DPYD: variants seen among roughly 807,000 people sequenced by gnomAD.
The protein encoded by DPYD is dihydropyrimidine dehydrogenase.
Under a neutral mutation model 116.2 loss-of-function variants are expected in DPYD, and 109 were observed. The ratio of observed to expected loss-of-function variants is 0.94; its 90% CI spans 0.80 to 1.10. The LOEUF is 1.10. Ranked by LOEUF, DPYD falls within the 50% of genes least tolerant of loss-of-function variation. The pLI is 0.00. For synonymous variants in DPYD, 440 were observed against 432.0 expected, an observed-to-expected ratio of 1.02 and a Z score of -0.23; for missense variants, 1,302 against 1,254.5, an observed-to-expected ratio of 1.04 and a Z score of -0.57.
chr1:97,679,938 A>T (rs1660345757), intron 7 of DPYD, among the ~76,000 whole-genome samples: 1 of 152,112 alleles, frequency 6.6e-6, no homozygotes, highest in African/African-American at 2.4e-5. Context: ...CAAGCAACTA[A>T]GCCCTGGAAA....
intron 18 of DPYD, among the ~76,000 whole-genome samples, chr1:97,266,301 C>T (rs1664220830): frequency 6.6e-6 from 1 of 152,130 alleles, no homozygotes; most frequent in African/African-American, 2.4e-5. Context: ...AAAAATAGCA[C>T]ATTAGTGTTC....
intron 2 of DPYD, among the ~76,000 whole-genome samples, chr1:97,846,921 A>C (rs1177444929): frequency 6.6e-6 from 1 of 152,216 alleles, no homozygotes; most frequent in African/African-American, 2.4e-5. Context: ...AGAAGTACAG[A>C]TTTTCAAAAA....
intron 22 of DPYD, among the ~76,000 whole-genome samples, chr1:97,081,709 T>C (rs553817056): frequency 1.4e-5 from 2 of 142,404 alleles, no homozygotes; most frequent in East Asian, 2.0e-4. Context: ...TTTCTTTTCT[T>C]TTCTTTTCTT....
intron 3 of DPYD, among the ~76,000 whole-genome samples, chr1:97,762,199 G>A (rs1665611156): frequency 6.6e-6 from 1 of 152,070 alleles, no homozygotes; most frequent in Admixed American, 6.6e-5. Flanking sequence ...AAATGAAAAA[G>A]TAAAAGATGA....
At chr1:97,198,193 A>ATGC (rs977581418) in intron 19 of DPYD, among the ~76,000 whole-genome samples, 2 of 151,704 alleles carry the variant, frequency 1.3e-5, no homozygotes, top group Non-Finnish European at 2.9e-5. Flanking sequence ...TTTTCGGGGG[A>ATGC]TGCTGCTGCT....
intron 12 of DPYD, among the ~76,000 whole-genome samples, chr1:97,530,523 C>T (rs1287737436): frequency 6.6e-6 from 1 of 152,062 alleles, no homozygotes; most frequent in African/African-American, 2.4e-5. Context: ...GGCCATTATC[C>T]ATTTATCTAT....
intron 5 of DPYD, chr1:97,719,622 T>C: frequency 1.2e-6 from 1 of 836,728 alleles, no homozygotes; most frequent in South Asian, 5.5e-5. Context: ...ACTCGTTTTG[T>C]TGTTTTTTTA....
chr1:97,511,473 G>T (rs1414536609), intron 13 of DPYD, among the ~76,000 whole-genome samples: 1 of 151,898 alleles, frequency 6.6e-6, no homozygotes, highest in Non-Finnish European at 1.5e-5. Context: ...ATATTTGTTA[G>T]ATTTTTTTCT....
At chr1:97,126,776 A>G (rs965365463) in intron 20 of DPYD, among the ~76,000 whole-genome samples, 1 of 152,170 alleles carries the variant, frequency 6.6e-6, no homozygotes, top group Non-Finnish European at 1.5e-5. Flanking sequence ...ATGGTAGCTA[A>G]AACTTCATTT....
intron 11 of DPYD, among the ~76,000 whole-genome samples, chr1:97,554,493 T>C (rs776770070): frequency 3.3e-5 from 5 of 152,086 alleles, no homozygotes; most frequent in Non-Finnish European, 7.4e-5. Flanking sequence ...TTCATCTATG[T>C]CCTTGTTGTT....
intron 16 of DPYD, among the ~76,000 whole-genome samples, chr1:97,359,092 A>G (rs186372323): frequency 6.6e-6 from 1 of 152,268 alleles, no homozygotes; most frequent in East Asian, 1.9e-4. Context: ...GGCCACCTAG[A>G]ATAAACAGTG....
At chr1:97,694,861 C>G (rs1661209494) in intron 6 of DPYD, among the ~76,000 whole-genome samples, 1 of 152,128 alleles carries the variant, frequency 6.6e-6, no homozygotes. Flanking sequence ...AAAAAATTCT[C>G]TGGTGAGTCT....
At chr1:97,162,258 G>A (rs1655968854) in intron 20 of DPYD, among the ~76,000 whole-genome samples, 1 of 152,102 alleles carries the variant, frequency 6.6e-6, no homozygotes, top group African/African-American at 2.4e-5. Context: ...TTTAATGATT[G>A]CCATTCTAAC....
chr1:97,787,912 G>C (rs1667125148), intron 3 of DPYD, among the ~76,000 whole-genome samples: 1 of 152,182 alleles, frequency 6.6e-6, no homozygotes, highest in Non-Finnish European at 1.5e-5. Flanking sequence ...ACAAGATTTA[G>C]TAATAAAGCT....
intron 3 of DPYD, among the ~76,000 whole-genome samples, chr1:97,741,040 A>G (rs1456064183): frequency 6.6e-6 from 1 of 152,108 alleles, no homozygotes; most frequent in Non-Finnish European, 1.5e-5. Flanking sequence ...CTCAAAGCAT[A>G]GCCCAGATCC....
chr1:97,355,195 A>G (rs2101364079), intron 16 of DPYD, among the ~76,000 whole-genome samples: 1 of 152,286 alleles, frequency 6.6e-6, no homozygotes, highest in East Asian at 1.9e-4. Context: ...TTCTAAATCT[A>G]TCATCTCTAT....
intron 3 of DPYD, among the ~76,000 whole-genome samples, chr1:97,747,568 T>C (rs1452701295): frequency 2.0e-5 from 3 of 152,176 alleles, no homozygotes; most frequent in Admixed American, 6.5e-5. Context: ...ATAAGCCATG[T>C]ACCTAGGACA....
chr1:97,850,348 T>C (rs914648332), intron 2 of DPYD, among the ~76,000 whole-genome samples: 1 of 152,248 alleles, frequency 6.6e-6, no homozygotes, highest in Non-Finnish European at 1.5e-5. Context: ...TTTTCTCTGT[T>C]ACTTAACTTC....
chr1:97,257,746 A>G (rs943810953), intron 18 of DPYD, among the ~76,000 whole-genome samples: 4 of 152,058 alleles, frequency 2.6e-5, no homozygotes, highest in African/African-American at 9.7e-5. Context: ...GTAGACATTT[A>G]TTGAATGCCA....
Sources: gnomAD v4.1 joint callset for allele counts (sites outside exome capture counted in the v4.1 genomes callset) on GRCh38, gnomAD v4.1.1 for gene constraint, MANE v1.5 for transcripts, NCBI Gene and HGNC (gene_info 2026-07-23, HGNC 2026-07-21) for gene names.